ADGRV1: variants seen among roughly 807,000 people sequenced by gnomAD.
The protein encoded by ADGRV1 is G-protein coupled receptor 98.
Under a neutral mutation model 596.2 loss-of-function variants are expected in ADGRV1, and 359 were observed. The ratio of observed to expected loss-of-function variants is 0.60; its 90% CI spans 0.55 to 0.66. The LOEUF (loss-of-function observed/expected upper bound fraction) is 0.66, where lower values mean the gene tolerates loss of function less well. Among genes scored for constraint, ADGRV1 ranks in the 30% least tolerant of loss-of-function variants. The pLI, the probability that ADGRV1 is intolerant of heterozygous loss-of-function variation, is 0.00. For synonymous variants in ADGRV1, 2,681 were observed against 2,679.2 expected, an observed-to-expected ratio of 1.00 and a Z score of -0.02; for missense variants, 7,274 against 7,575.6, an observed-to-expected ratio of 0.96 and a Z score of 1.48.
chr5:91,138,639 T>G (rs1441512355), intron 87 of ADGRV1, among the ~76,000 whole-genome samples: 1 of 152,194 alleles, frequency 6.6e-6, no homozygotes, highest in Non-Finnish European at 1.5e-5. Context: ...ATTACAATAT[T>G]TATTTCTGTT....
chr5:91,091,102 AG>A (rs1790344844), intron 86 of ADGRV1, among the ~76,000 whole-genome samples: 1 of 152,190 alleles, frequency 6.6e-6, no homozygotes, highest in African/African-American at 2.4e-5. Flanking sequence ...TGGAAATCTT[AG>A]ATAAGGTGGA....
At chr5:90,619,981 T>G (rs1763850665) in intron 4 of ADGRV1, among the ~76,000 whole-genome samples, 1 of 152,148 alleles carries the variant, frequency 6.6e-6, no homozygotes, top group African/African-American at 2.4e-5. Context: ...GTGCCACATT[T>G]TCTTAATCCA....
chr5:91,044,424 A>G (rs1785620764), intron 85 of ADGRV1, among the ~76,000 whole-genome samples: 1 of 152,220 alleles, frequency 6.6e-6, no homozygotes, highest in South Asian at 2.1e-4. Context: ...TGGTCAAGAA[A>G]AAGTCACTTT....
chr5:90,958,283 C>CAAAAAAAAAA (rs34676985), intron 83 of ADGRV1, among the ~76,000 whole-genome samples: 33 of 72,694 alleles, frequency 4.5e-4, no homozygotes, highest in Non-Finnish European at 7.3e-4. Context: ...GACCTTGTCT[C>CAAAAAAAAAA]AAAAAAAAAA....
At chr5:90,958,327 A>G (rs1054677835) in intron 83 of ADGRV1, among the ~76,000 whole-genome samples, 42 of 151,748 alleles carry the variant, frequency 2.8e-4, no homozygotes, top group Non-Finnish European at 1.9e-4. Flanking sequence ...AAAGGGAAAA[A>G]GAAAAAGAAA....
chr5:90,738,260 A>C (rs1278692366), intron 50 of ADGRV1, among the ~76,000 whole-genome samples: 2 of 151,926 alleles, frequency 1.3e-5, no homozygotes, highest in Non-Finnish European at 2.9e-5. Flanking sequence ...TTTTTTTTGT[A>C]ATTTGTATTT....
chr5:90,779,744 G>C (rs1758639789), intron 64 of ADGRV1: 1 of 152,158 alleles, frequency 6.6e-6, no homozygotes, highest in South Asian at 2.1e-4. Context: ...CAGCTCACAG[G>C]TTGAGAGAGA....
chr5:91,044,400 A>G (rs998764501), intron 85 of ADGRV1, among the ~76,000 whole-genome samples: 1 of 152,194 alleles, frequency 6.6e-6, no homozygotes, highest in African/African-American at 2.4e-5. Flanking sequence ...AAAAATGATA[A>G]TACTTTCTAT....
chr5:90,653,320 T>C lies in ADGRV1; in HGVS notation c.3746T>C (p.Leu1249Ser). ...GTTTTTATCTTGGATCCAGAGTGTT[T>C]AGAGAGAGAAGTGGCAGAAGATGTC... is the stretch of plus-strand genomic sequence containing the variant. ...FGVFILDPECLEREVAEDVLS... is the reference protein window; with the variant it reads ...FGVFILDPECSEREVAEDVLS... The change falls in exon 20 of 90, where the codon TTA becomes TCA. Residue 1249 changes from leucine to serine, a missense_variant. Leu to Ser is a moderately radical substitution (Grantham distance 145). This residue lies in a region of ADGRV1 where 1,715 missense variants were observed against 1,708.8 expected (regional missense o/e 1.00). Coordinates refer to ENST00000405460, the MANE Select transcript of ADGRV1 (RefSeq NM_032119.4). The C allele has an allele frequency of 6.8e-6, 11 of 1,613,888 alleles. No homozygotes were observed. The highest frequency in any genetic ancestry group is 9.3e-6 in the Non-Finnish European group (11 of 1,179,866).
intron 79 of ADGRV1, among the ~76,000 whole-genome samples, chr5:90,852,593 C>G (rs1766638865): frequency 6.6e-6 from 1 of 152,136 alleles, no homozygotes; most frequent in Non-Finnish European, 1.5e-5. Context: ...AGTAGGGATT[C>G]TGATTTAGTA....
chr5:91,079,347 T>A (rs1417923732), intron 86 of ADGRV1, among the ~76,000 whole-genome samples: 1 of 152,194 alleles, frequency 6.6e-6, no homozygotes, highest in African/African-American at 2.4e-5. Flanking sequence ...GTGGGGGAAA[T>A]CCCACATGTT....
intron 83 of ADGRV1, among the ~76,000 whole-genome samples, chr5:90,867,362 C>A (rs1314238104): frequency 1.3e-5 from 2 of 152,010 alleles, no homozygotes; most frequent in African/African-American, 2.4e-5. Flanking sequence ...TGTATAAGTC[C>A]GTACATTAAC....
intron 26 of ADGRV1, among the ~76,000 whole-genome samples, chr5:90,680,358 GA>G (rs796497945): frequency 3.1e-3 from 346 of 112,600 alleles, no homozygotes; most frequent in African/African-American, 8.7e-3. Context: ...CTGTATCAAA[GA>G]AAAAAAAAAA....
rs2149463978 is a variant in ADGRV1, at chr5:90,652,551, G to C, written c.3622G>C (p.Val1208Leu). Reference protein sequence around the residue: ...EFNEFYFLKLVNISGGSPGPG... With the variant: ...EFNEFYFLKLLNISGGSPGPG... Reference sequence around the variant, plus strand: ...CAATGAATTTTATTTCCTAAAACTTGTAAACATTTCAGGTACTGTGTTTTT... The same window carrying C: ...CAATGAATTTTATTTCCTAAAACTTCTAAACATTTCAGGTACTGTGTTTTT... The change falls in exon 19 of 90, where the codon GTA becomes CTA. Residue 1208 changes from valine to leucine, a missense_variant. Val to Leu is a conservative substitution (Grantham distance 32). Transcript: ENST00000405460. 6.3e-7 allele frequency: 1 copy of C among 1,598,934 alleles called. No homozygotes were observed. The highest frequency in any genetic ancestry group is 8.6e-7 in the Non-Finnish European group (1 of 1,168,418).
chr5:90,616,678 AT>A (rs1763407724), intron 2 of ADGRV1, among the ~76,000 whole-genome samples: 1 of 152,208 alleles, frequency 6.6e-6, no homozygotes, highest in African/African-American at 2.4e-5. Flanking sequence ...ATTGGGGAAT[AT>A]CCCCAATGAT....
At chr5:90,861,829 T>C (rs1767609326) in intron 82 of ADGRV1, among the ~76,000 whole-genome samples, 1 of 152,178 alleles carries the variant, frequency 6.6e-6, no homozygotes. Context: ...ATTGAAATAA[T>C]TGTTTCTTTA....
intron 1 of ADGRV1, among the ~76,000 whole-genome samples, chr5:90,572,745 C>T (rs924862273): frequency 6.6e-6 from 1 of 151,944 alleles, no homozygotes; most frequent in Non-Finnish European, 1.5e-5. Context: ...AAGTTGAGAC[C>T]GTAGGATACG....
chr5:90,593,591 A>C (rs920146334), intron 1 of ADGRV1, among the ~76,000 whole-genome samples: 7 of 152,148 alleles, frequency 4.6e-5, no homozygotes, highest in African/African-American at 1.7e-4. Flanking sequence ...CTAGAACTTA[A>C]AGTATAATAA....
At chr5:90,948,252 A>T (rs1354098378) in intron 83 of ADGRV1, among the ~76,000 whole-genome samples, 1 of 152,068 alleles carries the variant, frequency 6.6e-6, no homozygotes, top group Non-Finnish European at 1.5e-5. Flanking sequence ...TTTTATAAGG[A>T]GGTGAGCTAG....
Sources: allele counts gnomAD v4.1 joint callset (sites outside exome capture counted in the v4.1 genomes callset), GRCh38; gene constraint gnomAD v4.1.1; regional missense constraint gnomAD v4.1.1; transcripts MANE v1.5; gene names NCBI Gene and HGNC (gene_info 2026-07-23, HGNC 2026-07-21).